ZDHHC15: variants seen among roughly 807,000 people sequenced by gnomAD.
ZDHHC15 encodes palmitoyltransferase ZDHHC15.
Under a neutral mutation model 31.7 loss-of-function variants are expected in ZDHHC15, and 19 were observed. The ratio of observed to expected loss-of-function variants is 0.60; its 90% CI spans 0.42 to 0.88. The LOEUF (loss-of-function observed/expected upper bound fraction) is 0.88, where lower values mean the gene tolerates loss of function less well. ZDHHC15 is among the 40% of genes least tolerant of loss of function. ZDHHC15 has a pLI of 0.00. For missense variants in ZDHHC15, 209 were observed against 251.2 expected (o/e 0.83, Z 1.14); for synonymous variants, 103 against 90.0 (o/e 1.14, Z -0.82).
At chrX:75,440,511 C>T (rs2083924474) in intron 4 of ZDHHC15, among the ~76,000 whole-genome samples, 1 of 112,378 alleles carries the variant, frequency 8.9e-6, no homozygotes, top group African/African-American at 3.2e-5. Flanking sequence ...GATCTCCTGA[C>T]CTCGTGATCT....
chrX:75,422,529 T>C (rs1018114070), intron 8 of ZDHHC15, among the ~76,000 whole-genome samples: 3 of 112,140 alleles, frequency 2.7e-5, no homozygotes, highest in Non-Finnish European at 5.6e-5. Flanking sequence ...TGGTGAGCCA[T>C]AATCACTTCA....
chrX:75,395,916 T>C (rs187781671), intron 10 of ZDHHC15, among the ~76,000 whole-genome samples: 1 of 112,150 alleles, frequency 8.9e-6, no homozygotes, highest in East Asian at 2.8e-4. Context: ...CTTCAACAAA[T>C]GGTGCTGGGA....
chrX:75,403,356 C>T (rs988931958), intron 10 of ZDHHC15, among the ~76,000 whole-genome samples: 9 of 111,740 alleles, frequency 8.1e-5, no homozygotes, highest in Middle Eastern at 4.7e-3. Flanking sequence ...TTCTATTCAA[C>T]GTAGTATGGG....
chrX:75,430,495 T>C (rs1693544080), intron 5 of ZDHHC15, among the ~76,000 whole-genome samples: 1 of 111,725 alleles, frequency 9.0e-6, no homozygotes, highest in African/African-American at 3.3e-5. Context: ...TGAATATTTA[T>C]GCTTTCATAC....
At chrX:75,499,475 T>G (rs776739487) in intron 2 of ZDHHC15, among the ~76,000 whole-genome samples, 1 of 110,919 alleles carries the variant, frequency 9.0e-6, no homozygotes, top group East Asian at 2.8e-4. Context: ...AAGACATGAA[T>G]AGACAATTCT....
chrX:75,409,485 CAAAAAAAAA>C lies in ZDHHC15; in HGVS notation c.967+7593_967+7601del, dbSNP rs60512653. Among the ~76,000 whole-genome samples, 9 of 28,539 alleles carry C rather than the reference CAAAAAAAAA, an allele frequency of 3.2e-4. No homozygotes were observed. In the East Asian group the frequency reaches 3.5e-3, roughly 11 times the overall value. The allele number at this position is 28,539 out of a possible 115,157, so 24.8% of individuals were successfully genotyped here. On this transcript the variant is annotated intron_variant, in intron 10 of 11. Transcript: ENST00000373367. ...CCCAGGCAACCAAGGAAGTCCCTGC[CAAAAAAAAA>C]AAAAAAAAAAAAAAAAAAACACTAC... is the stretch of plus-strand genomic sequence containing the variant.
chrX:75,465,009 C>G (rs757571008), intron 3 of ZDHHC15, among the ~76,000 whole-genome samples: 39 of 111,974 alleles, frequency 3.5e-4, no homozygotes, highest in African/African-American at 1.2e-3. Flanking sequence ...TAAAGGAAGT[C>G]AAACTATCCT....
intron 1 of ZDHHC15, among the ~76,000 whole-genome samples, chrX:75,510,594 A>G (rs1414769365): frequency 1.1e-5 from 1 of 88,139 alleles, no homozygotes; most frequent in Non-Finnish European, 2.2e-5. Context: ...TTTAAATTAT[A>G]CTTTAAGTTT....
chrX:75,414,047 C>A (rs1310521386), intron 10 of ZDHHC15, among the ~76,000 whole-genome samples: 1 of 111,580 alleles, frequency 9.0e-6, no homozygotes, highest in East Asian at 2.8e-4. Context: ...ATTATGTAAG[C>A]TACAGGAAAA....
At chrX:75,379,490 A>C (rs1483758716) in intron 10 of ZDHHC15, among the ~76,000 whole-genome samples, 1 of 112,256 alleles carries the variant, frequency 8.9e-6, no homozygotes, top group Non-Finnish European at 1.9e-5. Flanking sequence ...TCTGACTTTA[A>C]TGGAATGTTT....
chrX:75,414,683 C>T (rs1395898122), intron 10 of ZDHHC15, among the ~76,000 whole-genome samples: 3 of 104,560 alleles, frequency 2.9e-5, no homozygotes, highest in African/African-American at 1.0e-4. Flanking sequence ...CGTGATCTGC[C>T]TGCCTCGGCC....
chrX:75,485,992 T>A (rs779201419), intron 2 of ZDHHC15, among the ~76,000 whole-genome samples: 4 of 111,491 alleles, frequency 3.6e-5, no homozygotes, highest in Non-Finnish European at 7.5e-5. Context: ...GTGACTCACA[T>A]GGTGAACTTT....
intron 2 of ZDHHC15, among the ~76,000 whole-genome samples, chrX:75,481,879 C>T (rs1424169978): frequency 2.7e-5 from 3 of 112,119 alleles, no homozygotes; most frequent in Non-Finnish European, 5.6e-5. Context: ...GTCAGCCAGA[C>T]GGTCACATCT....
chrX:75,446,757 A>G (rs1401875138), intron 4 of ZDHHC15, among the ~76,000 whole-genome samples: 2 of 111,226 alleles, frequency 1.8e-5, no homozygotes, highest in Admixed American at 9.6e-5. Context: ...GTGCCCTCTC[A>G]TGGTGAAAGG....
In ZDHHC15 at chrX:75,424,700, G is replaced by T. The variant is rs1415310636; in HGVS notation, c.688C>A (p.Leu230Ile). The T allele has an allele frequency of 8.3e-7, 1 of 1,206,114 alleles. No homozygotes were observed. The highest frequency in any genetic ancestry group is 3.0e-5 in the East Asian group (1 of 33,548). The change falls in exon 8 of 12, where the codon CTC (leucine) becomes ATC (isoleucine). Residue 230 changes from leucine (L) to isoleucine (I), a missense_variant. By Grantham distance (5) the Leu-to-Ile change is conservative. Transcript: ENST00000373367. The stretch of plus-strand genomic sequence containing the variant: ...ACAAGCCAACAATGGTAACCAAAGA[G>T]AATCACAAGGCTGACAAAAAACATG... ...ACMFFVSLVI[L>I]FGYHCWLVSR...
chrX:75,517,989 A>AAAAC (rs745807685), intron 1 of ZDHHC15, among the ~76,000 whole-genome samples: 141 of 110,495 alleles, frequency 1.3e-3, no homozygotes, highest in Non-Finnish European at 2.0e-3. Context: ...AAAAAAACAA[A>AAAAC]AAACAAACAA....
chrX:75,502,382 G>T (rs1002213964), intron 2 of ZDHHC15: 2 of 111,505 alleles, frequency 1.8e-5, no homozygotes, highest in African/African-American at 6.5e-5. Context: ...GAAAGTAAGG[G>T]CTTAAACAGA....
At chrX:75,491,448 G>T (rs2084889779) in intron 2 of ZDHHC15, among the ~76,000 whole-genome samples, 3 of 94,296 alleles carry the variant, frequency 3.2e-5, no homozygotes, top group African/African-American at 1.2e-4. Context: ...GACAAAGGAA[G>T]GGGAACATCA....
intron 4 of ZDHHC15, among the ~76,000 whole-genome samples, chrX:75,438,647 G>A (rs182092625): frequency 1.8e-4 from 20 of 111,427 alleles, no homozygotes; most frequent in African/African-American, 4.9e-4. Context: ...GATTTAGGCC[G>A]TTTACATTCA....
Sources: gnomAD v4.1 joint callset for allele counts (sites outside exome capture counted in the v4.1 genomes callset) on GRCh38, gnomAD v4.1.1 for gene constraint, MANE v1.5 for transcripts, NCBI Gene and HGNC (gene_info 2026-07-23, HGNC 2026-07-21) for gene names.